Variants in UST observed in about 807,000 individuals in gnomAD.
The protein encoded by UST is chondroitin sulfate 2-O-sulfotransferase.
UST carries 21 observed loss-of-function variants against 45.6 expected under a neutral mutation model. That is an observed-to-expected ratio of 0.46 (90% CI 0.33 to 0.66). The LOEUF (loss-of-function observed/expected upper bound fraction) is 0.66. Among genes scored for constraint, UST ranks in the 30% least tolerant of loss-of-function variants. The probability of loss-of-function intolerance (pLI) is 0.02; values close to 1 mark genes in which losing one functional copy is unlikely to be tolerated. For missense variants in UST, 463 were observed against 512.4 expected, an observed-to-expected ratio of 0.90 and a Z score of 0.93; for synonymous variants, 215 against 200.6, an observed-to-expected ratio of 1.07 and a Z score of -0.61.
intron 1 of UST, among the ~76,000 whole-genome samples, chr6:148,801,172 T>C (rs1185039974): frequency 6.6e-6 from 1 of 152,164 alleles, no homozygotes; most frequent in Non-Finnish European, 1.5e-5. Context: ...TTTTGCTGTG[T>C]ATTGTGTCTA....
At chr6:148,826,138 G>A (rs111304405) in intron 1 of UST, among the ~76,000 whole-genome samples, 6 of 152,298 alleles carry the variant, frequency 3.9e-5, no homozygotes, top group African/African-American at 1.4e-4. Context: ...TTGAAATGGA[G>A]CCTTGCACTC....
chr6:148,942,455 G>A (rs929897149), intron 3 of UST, among the ~76,000 whole-genome samples: 1 of 152,130 alleles, frequency 6.6e-6, no homozygotes, highest in Non-Finnish European at 1.5e-5. Flanking sequence ...CTATTCGGGA[G>A]GCGGAGGCAG....
intron 2 of UST, among the ~76,000 whole-genome samples, chr6:148,907,388 C>T (rs777400923): frequency 1.9e-4 from 29 of 152,238 alleles, no homozygotes; most frequent in Non-Finnish European, 2.6e-4. Flanking sequence ...CTAAATGTTA[C>T]TCCAGATCTC....
In UST at chr6:148,880,493, T is replaced by A. The variant is rs548494455; in HGVS notation, c.248-6493T>A. Among the ~76,000 whole-genome samples, 6 of 152,342 alleles carry A rather than the reference T, an allele frequency of 3.9e-5. No individual in the cohort carries two copies. In the South Asian group the frequency reaches 1.0e-3, roughly 26 times the overall value. On this transcript the variant is annotated intron_variant, in intron 1 of 7. Coordinates refer to ENST00000367463, the MANE Select transcript of UST (RefSeq NM_005715.3). Reference sequence around the variant, plus strand: ...AACTGCCAAAGTAAAGAGATCTTGATAACATACTGCCATGCAGAGACTCAG... The same window carrying A: ...AACTGCCAAAGTAAAGAGATCTTGAAAACATACTGCCATGCAGAGACTCAG...
Position 148,747,425 on chromosome 6 carries a change from C to G in UST, c.-6C>G. The G allele has an allele frequency of 7.1e-7, 1 of 1,403,066 alleles. No homozygotes were observed. Among genetic ancestry groups the G allele is most frequent in the Non-Finnish European group, 9.3e-7 (1 of 1,075,364 alleles). 86.9% of individuals were successfully genotyped at this position (1,403,066 alleles called of 1,614,324 possible). A position where few individuals can be genotyped will look rare whatever the true frequency, so the allele number is the denominator to read the frequency against. On this transcript the variant is annotated 5_prime_UTR_variant, in exon 1 of 8. Coordinates refer to ENST00000367463, the MANE Select transcript of UST (RefSeq NM_005715.3). ...GGGCAGGCTGTGGGAGGCAGCGGAG[C>G]AGGCGATGAAGAAGAAGCAGCAGCA...
chr6:149,028,289 CT>C (rs1237112192), intron 7 of UST, among the ~76,000 whole-genome samples: 4 of 152,150 alleles, frequency 2.6e-5, no homozygotes, highest in Non-Finnish European at 5.9e-5. Flanking sequence ...CATAAATAAT[CT>C]TATGTACTTC....
intron 2 of UST, among the ~76,000 whole-genome samples, chr6:148,920,277 T>C (rs1235731136): frequency 2.1e-5 from 3 of 144,924 alleles, no homozygotes; most frequent in African/African-American, 8.7e-5. Flanking sequence ...TGATGCTAGC[T>C]GTTGACCTTT....
At chr6:149,029,574 A>T (rs1776109750) in intron 7 of UST, among the ~76,000 whole-genome samples, 1 of 150,554 alleles carries the variant, frequency 6.6e-6, no homozygotes, top group Non-Finnish European at 1.5e-5. Context: ...AATTAAACAA[A>T]TTCTCTCTTT....
chr6:148,887,009 C>T lies in UST; in HGVS notation c.271C>T (p.His91Tyr), dbSNP rs143622120. Reference sequence around the variant, plus strand: ...AGGAAATTCCACTTACTTGGATGACCATGGACCACCTCCTAGTAAGGTAAG... The same window carrying T: ...AGGAAATTCCACTTACTTGGATGACTATGGACCACCTCCTAGTAAGGTAAG... ...YLGNSTYLDD[H>Y]GPPPSKVLPF... Residue 91 changes from histidine (H) to tyrosine (Y), a missense_variant, in exon 2 of 8, where the codon CAT (histidine) becomes TAT (tyrosine). Physicochemically the swap from His to Tyr is moderately conservative, Grantham distance 83. This residue lies in a region of UST where 176 missense variants were observed against 138.3 expected (regional missense o/e 1.27). Coordinates refer to ENST00000367463, the MANE Select transcript of UST (RefSeq NM_005715.3). 4.8e-5 allele frequency: 78 copies of T among 1,612,882 alleles called. No individual in the cohort carries two copies. In the African/African-American group the frequency reaches 9.1e-4, roughly 19 times the overall value.
chr6:148,766,573 G>T (rs571453680), intron 1 of UST, among the ~76,000 whole-genome samples: 3 of 152,286 alleles, frequency 2.0e-5, no homozygotes, highest in South Asian at 2.1e-4. Flanking sequence ...TTAAGATCCC[G>T]TATGAGGTGT....
At chr6:148,856,163 C>T (rs1191514487) in intron 1 of UST, among the ~76,000 whole-genome samples, 2 of 152,020 alleles carry the variant, frequency 1.3e-5, no homozygotes, top group African/African-American at 4.8e-5. Flanking sequence ...ATTACAGGTG[C>T]GTGTCACCAT....
At chr6:148,915,228 G>C (rs1414528544) in intron 2 of UST, among the ~76,000 whole-genome samples, 1 of 152,152 alleles carries the variant, frequency 6.6e-6, no homozygotes, top group East Asian at 1.9e-4. Context: ...TCATAGAAAA[G>C]ACAAAATTAA....
intron 1 of UST, among the ~76,000 whole-genome samples, chr6:148,824,135 T>A (rs1175335647): frequency 6.6e-6 from 1 of 152,224 alleles, no homozygotes; most frequent in Non-Finnish European, 1.5e-5. Context: ...GTTAGGAGCA[T>A]CTGAGTGTAT....
In UST at chr6:149,074,252, T is replaced by C. The variant is rs1237160143; in HGVS notation, c.*136T>C. 10 of 961,010 alleles carry C rather than the reference T, an allele frequency of 1.0e-5. No individual in the cohort carries two copies. In the South Asian group the frequency reaches 1.2e-4, roughly 12 times the overall value. 59.5% of individuals were successfully genotyped at this position (961,010 alleles called of 1,614,324 possible). ...AAAACATTCCCACATGTTGGGGTCA[T>C]TGGGAGATGCCCGGTTTTGCGGGTT... On this transcript the variant is annotated 3_prime_UTR_variant, in exon 8 of 8. Transcript: ENST00000367463.
chr6:148,869,980 G>A (rs750112685), intron 1 of UST, among the ~76,000 whole-genome samples: 5 of 152,248 alleles, frequency 3.3e-5, no homozygotes, highest in African/African-American at 4.8e-5. Flanking sequence ...CTTCATGCAC[G>A]TGACCCATAA....
chr6:149,023,851 A>G lies in UST; in HGVS notation c.937+2370A>G, dbSNP rs1582964124. On this transcript the variant is annotated intron_variant, in intron 7 of 7. Transcript: ENST00000367463. The stretch of plus-strand genomic sequence containing the variant: ...GACTTCCTATTTTCTCCATTTAAAT[A>G]TGTGTCTTCTCAGAAATTATGGGCC... Among the ~76,000 whole-genome samples, 3 of 152,336 alleles carry G rather than the reference A, an allele frequency of 2.0e-5. No homozygotes were observed. The South Asian group carries it at 6.2e-4, about 32-fold the overall frequency.
At chr6:148,779,677 C>T (rs534819226) in intron 1 of UST, among the ~76,000 whole-genome samples, 3 of 152,302 alleles carry the variant, frequency 2.0e-5, no homozygotes, top group African/African-American at 7.2e-5. Context: ...ATGTAGGTGT[C>T]ATCATGGCTG....
intron 5 of UST, among the ~76,000 whole-genome samples, chr6:149,004,870 G>A (rs1266653828): frequency 9.2e-5 from 14 of 152,188 alleles, no homozygotes; most frequent in Admixed American, 9.2e-4. Flanking sequence ...GTGTCACTCT[G>A]TTGCCCAGGC....
At chr6:149,038,067 T>C in intron 7 of UST, among the ~76,000 whole-genome samples, 1 of 152,276 alleles carries the variant, frequency 6.6e-6, no homozygotes, top group African/African-American at 2.4e-5. Context: ...TCTGTCTTCC[T>C]AAAACTGGTT....
Sources: gnomAD v4.1 joint callset for allele counts (sites outside exome capture counted in the v4.1 genomes callset) on GRCh38, gnomAD v4.1.1 for gene constraint, gnomAD v4.1.1 regional missense constraint, MANE v1.5 for transcripts, NCBI Gene and HGNC (gene_info 2026-07-23, HGNC 2026-07-21) for gene names.